OSMR: variants seen among roughly 807,000 people sequenced by gnomAD.
OSMR encodes the protein oncostatin M receptor, also known as oncostatin-M-specific receptor subunit beta.
OSMR carries 81 observed loss-of-function variants against 99.9 expected under a neutral mutation model. That is an observed-to-expected ratio of 0.81 (90% CI 0.68 to 0.97). The LOEUF (loss-of-function observed/expected upper bound fraction) is 0.97, where lower values mean the gene tolerates loss of function less well. Among genes scored for constraint, OSMR ranks in the 50% least tolerant of loss-of-function variants. The probability of loss-of-function intolerance (pLI) is 0.00; values close to 1 mark genes in which losing one functional copy is unlikely to be tolerated. For synonymous variants in OSMR, 406 were observed against 410.4 expected, an observed-to-expected ratio of 0.99 and a Z score of 0.13; for missense variants, 1,099 against 1,153.4, an observed-to-expected ratio of 0.95 and a Z score of 0.68.
intron 7 of OSMR, among the ~76,000 whole-genome samples, chr5:38,900,396 T>G (rs1217236644): frequency 6.6e-6 from 1 of 152,228 alleles, no homozygotes; most frequent in South Asian, 2.1e-4. Flanking sequence ...GAGTGCCTAC[T>G]TGACTTTTCA....
chr5:38,891,736 A>G (rs186244441), intron 7 of OSMR, among the ~76,000 whole-genome samples: 136 of 152,314 alleles, frequency 8.9e-4, no homozygotes, highest in African/African-American at 3.2e-3. Flanking sequence ...CAGGCCTTGG[A>G]TCCCTGAGCA....
intron 1 of OSMR, among the ~76,000 whole-genome samples, chr5:38,861,534 C>A (rs371472155): frequency 6.6e-6 from 1 of 152,334 alleles, no homozygotes; most frequent in Middle Eastern, 3.4e-3. Flanking sequence ...ACACAGACAC[C>A]GCAACCATCC....
At chr5:38,877,910 T>G (rs1312893050) in intron 3 of OSMR, among the ~76,000 whole-genome samples, 1 of 152,226 alleles carries the variant, frequency 6.6e-6, no homozygotes, top group Non-Finnish European at 1.5e-5. Context: ...GAGTCCTCTT[T>G]TCAAGGGAAA....
intron 1 of OSMR, chr5:38,942,954 G>A (rs2112785730): frequency 6.2e-7 from 1 of 1,604,604 alleles, no homozygotes; most frequent in Non-Finnish European, 8.5e-7. Context: ...AAATGTTTGA[G>A]GATACTTCTC....
At position 38,908,618 on chromosome 5, in the gene OSMR, A is replaced by C. The variant is rs192080187; in HGVS notation, c.1285+4115A>C. Among the ~76,000 whole-genome samples, 464 of 152,322 alleles carry C rather than the reference A, an allele frequency of 3.0e-3. 11 individuals are homozygous for C. The highest frequency in any genetic ancestry group is 0.029 in the Admixed American group (437 of 15,296). On this transcript the variant is annotated intron_variant, in intron 9 of 17. Transcript: ENST00000274276. ...GGTGGGGGCCTGATACCAGTCCTGCAGAGTTAGAGCATGCAGACCAGGAGT... is the reference window on the plus strand; with the variant it reads ...GGTGGGGGCCTGATACCAGTCCTGCCGAGTTAGAGCATGCAGACCAGGAGT...
chr5:38,852,417 G>A (rs1204683880), intron 1 of OSMR, among the ~76,000 whole-genome samples: 1 of 152,174 alleles, frequency 6.6e-6, no homozygotes, highest in Non-Finnish European at 1.5e-5. Flanking sequence ...TTGATCATTA[G>A]TGAGTCACAA....
intron 4 of OSMR, among the ~76,000 whole-genome samples, chr5:38,882,828 T>A (rs1477452821): frequency 6.6e-6 from 1 of 152,218 alleles, no homozygotes; most frequent in Non-Finnish European, 1.5e-5. Flanking sequence ...TAAAAGGACT[T>A]CTTATCCTCG....
intron 1 of OSMR, among the ~76,000 whole-genome samples, chr5:38,857,842 G>A (rs1314328028): frequency 6.6e-6 from 1 of 151,580 alleles, no homozygotes; most frequent in African/African-American, 2.4e-5. Context: ...TAATTTTTGT[G>A]TTTTTAGTAG....
At chr5:38,942,875 C>T (rs1333642433) in intron 1 of OSMR, 1 of 1,611,828 alleles carries the variant, frequency 6.2e-7, no homozygotes. Flanking sequence ...GTATGAACCT[C>T]CGACACGGAA....
intron 7 of OSMR, among the ~76,000 whole-genome samples, chr5:38,902,329 C>T (rs1744947943): frequency 6.6e-6 from 1 of 152,212 alleles, no homozygotes; most frequent in Admixed American, 6.5e-5. Flanking sequence ...GTGCCCCAAG[C>T]AGCCAAAATG....
chr5:38,927,457 C>T (rs1349535192), intron 15 of OSMR, among the ~76,000 whole-genome samples: 1 of 152,204 alleles, frequency 6.6e-6, no homozygotes, highest in Non-Finnish European at 1.5e-5. Flanking sequence ...TTCTGTGCAC[C>T]CACAGGCTCA....
At chr5:38,932,595 G>C in intron 17 of OSMR, 60 bp downstream of exon 17, 1 of 1,576,418 alleles carries the variant, frequency 6.3e-7, no homozygotes. Flanking sequence ...CCAGAGTGGG[G>C]GCTGTCAGAA....
At chr5:38,890,637 C>A (rs528228061) in intron 7 of OSMR, among the ~76,000 whole-genome samples, 1 of 149,228 alleles carries the variant, frequency 6.7e-6, no homozygotes, top group Non-Finnish European at 1.5e-5. Flanking sequence ...GGCTGAAATG[C>A]CTTAAGAAAA....
intron 8 of OSMR, 100 bp from the exon 9 acceptor site, chr5:38,904,253 T>A (rs1238879925): frequency 1.9e-6 from 3 of 1,547,176 alleles, no homozygotes; most frequent in East Asian, 4.9e-5. Context: ...AGGTCAGGAT[T>A]TGCTGTGCTC....
chr5:38,888,891 A>G (rs1245095222), intron 7 of OSMR, among the ~76,000 whole-genome samples: 4 of 152,208 alleles, frequency 2.6e-5, no homozygotes, highest in South Asian at 2.1e-4. Flanking sequence ...TTGAATGTCA[A>G]TGAAAGTTTT....
At chr5:38,921,557 C>G (rs780953281) in intron 11 of OSMR, 58 bp from the exon 12 acceptor site, 10 of 1,612,038 alleles carry the variant, frequency 6.2e-6, no homozygotes, top group Non-Finnish European at 8.5e-6. Context: ...ACCTTACACA[C>G]TTAAAACAAT....
chr5:38,906,944 G>A (rs564629957), intron 9 of OSMR, among the ~76,000 whole-genome samples: 23 of 152,096 alleles, frequency 1.5e-4, no homozygotes, highest in East Asian at 5.8e-4. Flanking sequence ...TGTTAATTTC[G>A]TGACAGTTGC....
chr5:38,868,361 T>G (rs909158425), intron 1 of OSMR, among the ~76,000 whole-genome samples: 2 of 152,186 alleles, frequency 1.3e-5, no homozygotes, highest in Admixed American at 1.3e-4. Context: ...CTGGTTCCAG[T>G]AGGTGATACG....
chr5:38,877,985 C>T (rs1742973211), intron 3 of OSMR, among the ~76,000 whole-genome samples: 1 of 152,076 alleles, frequency 6.6e-6, no homozygotes, highest in South Asian at 2.1e-4. Flanking sequence ...AGAGTTTTGC[C>T]TTGTCTATCG....
Sources: gnomAD v4.1 joint callset for allele counts (sites outside exome capture counted in the v4.1 genomes callset) on GRCh38, gnomAD v4.1.1 for gene constraint, MANE v1.5 for transcripts, NCBI Gene and HGNC (gene_info 2026-07-23, HGNC 2026-07-21) for gene names.